Variants in PDK4 observed in about 807,000 individuals in gnomAD.
PDK4 encodes the protein pyruvate dehydrogenase kinase 4.
In PDK4, 43 loss-of-function variants were observed where a neutral mutation model predicts 51.7. The observed-to-expected ratio is 0.83, with a 90% CI of 0.65 to 1.07. PDK4 has a LOEUF of 1.07. Ranked by LOEUF, PDK4 falls within the 50% of genes least tolerant of loss-of-function variation. The pLI is 0.00. For missense variants in PDK4, 498 were observed against 503.5 expected, an observed-to-expected ratio of 0.99 and a Z score of 0.10; for synonymous variants, 170 against 176.6, an observed-to-expected ratio of 0.96 and a Z score of 0.30.
intron 7 of PDK4, among the ~76,000 whole-genome samples, chr7:95,588,411 C>A (rs760088936): frequency 6.6e-6 from 1 of 152,194 alleles, no homozygotes; most frequent in Non-Finnish European, 1.5e-5. Flanking sequence ...GAAAAAGTAT[C>A]CTTTGTCCTT....
intron 10 of PDK4, among the ~76,000 whole-genome samples, chr7:95,586,159 G>A (rs1361911387): frequency 1.3e-5 from 2 of 149,198 alleles, no homozygotes; most frequent in African/African-American, 2.5e-5. Context: ...CAAAGAAATT[G>A]AGGCTTTACC....
chr7:95,588,980 G>T (rs2116713608), intron 7 of PDK4, among the ~76,000 whole-genome samples: 1 of 152,318 alleles, frequency 6.6e-6, no homozygotes, highest in Non-Finnish European at 1.5e-5. Context: ...CGATTCTAAT[G>T]CATATTACAG....
At chr7:95,590,633 T>C (rs1791541467) in intron 6 of PDK4, among the ~76,000 whole-genome samples, 1 of 152,200 alleles carries the variant, frequency 6.6e-6, no homozygotes, top group Non-Finnish European at 1.5e-5. Context: ...CTTTATTTGC[T>C]CTTCTACTTT....
chr7:95,593,004 T>C, intron 3 of PDK4, 60 bp from the exon 4 acceptor site: 1 of 1,167,666 alleles, frequency 8.6e-7, no homozygotes, highest in Non-Finnish European at 1.2e-6. Flanking sequence ...CTTATACTCC[T>C]AAGGTTACTT....
intron 8 of PDK4, 80 bp from the exon 9 acceptor site, chr7:95,587,608 T>C: frequency 8.4e-7 from 1 of 1,194,476 alleles, no homozygotes; most frequent in Non-Finnish European, 1.2e-6. Context: ...CTTTCCTTCA[T>C]TTAAAAATCA....
Position 95,587,134 on chromosome 7 carries a change from G to C in PDK4, c.982-11C>G, listed in dbSNP as rs778695716. The C allele has an allele frequency of 2.7e-6, 4 of 1,504,148 alleles. No homozygotes were observed. Among genetic ancestry groups the C allele is most frequent in the Non-Finnish European group, 1.8e-6 (2 of 1,082,012 alleles). 93.2% of individuals were successfully genotyped at this position (1,504,148 alleles called of 1,614,324 possible). ...GTAACCAAAACCAGCCTAGAGAAGAGAGACGTTATCAGGTAAAGAAGTGTA... is the reference window on the plus strand; with the variant it reads ...GTAACCAAAACCAGCCTAGAGAAGACAGACGTTATCAGGTAAAGAAGTGTA... On this transcript the variant is annotated splice_polypyrimidine_tract_variant and intron_variant, in intron 9 of 10. Transcript: ENST00000005178.
At chr7:95,588,329 C>A (rs1371566854) in intron 7 of PDK4, among the ~76,000 whole-genome samples, 1 of 152,234 alleles carries the variant, frequency 6.6e-6, no homozygotes, top group Non-Finnish European at 1.5e-5. Flanking sequence ...TGATTATCAT[C>A]TAACTTTTAC....
Position 95,596,147 on chromosome 7 carries a change from C to G in PDK4, c.130+17G>C, listed in dbSNP as rs758185539. On this transcript the variant is annotated intron_variant, in intron 1 of 10. Coordinates refer to ENST00000005178, the MANE Select transcript of PDK4 (RefSeq NM_002612.4). Reference sequence around the variant, plus strand: ...CCCAACCCTAGGACCCAGCTTGGGCCCTGTGTCCCCTCTCACCAAAGTCCA... The same window carrying G: ...CCCAACCCTAGGACCCAGCTTGGGCGCTGTGTCCCCTCTCACCAAAGTCCA... 6.3e-7 allele frequency: 1 copy of G among 1,596,972 alleles called. No individual in the cohort carries two copies. The highest frequency in any genetic ancestry group is 1.1e-5 in the South Asian group (1 of 89,644).
chr7:95,587,619 C>G, intron 8 of PDK4, 91 bp from the exon 9 acceptor site: 1 of 1,147,138 alleles, frequency 8.7e-7, no homozygotes, highest in Non-Finnish European at 1.3e-6. Context: ...TTAAAAATCA[C>G]CTGGCATATA....
chr7:95,586,409 G>C (rs1021768722), intron 10 of PDK4, among the ~76,000 whole-genome samples: 1 of 152,044 alleles, frequency 6.6e-6, no homozygotes, highest in African/African-American at 2.4e-5. Context: ...TGGCCAGGCT[G>C]GTCTAGAACC....
At chr7:95,589,592 T>A in intron 7 of PDK4, 48 bp downstream of exon 7, 1 of 945,056 alleles carries the variant, frequency 1.1e-6, no homozygotes. Context: ...AATATAACTG[T>A]TAAACCTTTT....
In PDK4 at chr7:95,596,196, G is replaced by T; in HGVS notation, c.98C>A (p.Ser33Tyr). The change falls in exon 1 of 11, where the codon TCC becomes TAC. Residue 33 changes from serine (S) to tyrosine (Y), a missense_variant. By Grantham distance (144) the Ser-to-Tyr change is moderately radical. Transcript: ENST00000005178. ...EVEHFSRYSP[S>Y]PLSMKQLLDF... ...CAGTAGCTGCTTCATGGACAGCGGG[G>T]ACGGGCTGTAGCGCGAGAAATGCTC... is the stretch of plus-strand genomic sequence containing the variant. 6.2e-7 allele frequency: 1 copy of T among 1,604,722 alleles called. No individual in the cohort carries two copies. The highest frequency in any genetic ancestry group is 1.7e-5 in the Admixed American group (1 of 59,476).
rs569837685 is a variant in PDK4 at position 95,587,976 on chromosome 7, C to G, written c.772-151G>C. On this transcript the variant is annotated intron_variant, in intron 7 of 10. Transcript: ENST00000005178. ...GTAGTAAAACAGCTTTGTAAATAGC[C>G]ATTTATGAATGGGTCATGTAGGATG... 2.6e-5 allele frequency: 16 copies of G among 620,510 alleles called. No individual in the cohort carries two copies. The South Asian group carries it at 3.3e-4, about 13-fold the overall frequency. The allele number at this position is 620,510 out of a possible 1,614,324, so 38.4% of individuals were successfully genotyped here. A position where few individuals can be genotyped will look rare whatever the true frequency, so the allele number is the denominator to read the frequency against.
At position 95,595,123 on chromosome 7, in the gene PDK4, G is replaced by A. The variant is rs139435831; in HGVS notation, c.172C>T (p.Arg58Ter). The A allele has an allele frequency of 4.9e-5, 79 of 1,612,116 alleles. No homozygotes were observed. The Middle Eastern group carries it at 6.6e-4, about 13-fold the overall frequency. Reference sequence around the variant, plus strand: ...GCGAGTCTCACAGGCAATTCTTGTCGCAAAAATGCAAAAGAAGTTCTTTCA... The same window carrying A: ...GCGAGTCTCACAGGCAATTCTTGTCACAAAAATGCAAAAGAAGTTCTTTCA... ...ACERTSFAFL[R>*]QELPVRLANI... The change falls in exon 2 of 11, where the codon CGA becomes TGA. Residue 58 changes from arginine (R) to a stop codon, truncating the protein, a stop_gained. Transcript: ENST00000005178. LOFTEE classifies it high-confidence loss of function.
At position 95,590,448 on chromosome 7, in the gene PDK4, TAGAA is replaced by T. The variant is rs138034096; in HGVS notation, c.695-736_695-733del. ...AGAAAAATAAAAAGTAAAATAAAAT[TAGAA>T]AGAAAAGAAAAATAAAAGTATTATT... On this transcript the variant is annotated intron_variant, in intron 6 of 10. Coordinates refer to ENST00000005178, the MANE Select transcript of PDK4 (RefSeq NM_002612.4). Among the ~76,000 whole-genome samples, 1,188 of 152,144 alleles carry T rather than the reference TAGAA, an allele frequency of 7.8e-3. 16 individuals carry two copies. Among genetic ancestry groups the T allele is most frequent in the African/African-American group, 0.028 (1,154 of 41,500 alleles).
chr7:95,587,901 A>T (rs1584121255), intron 7 of PDK4, 76 bp from the exon 8 acceptor site: 1 of 926,622 alleles, frequency 1.1e-6, no homozygotes, highest in East Asian at 2.5e-5. Context: ...TTTATGTTTA[A>T]AATAAAAGTA....
chr7:95,585,947 T>C (rs1419340261), intron 10 of PDK4, among the ~76,000 whole-genome samples, 166 bp from the exon 11 acceptor site: 1 of 152,218 alleles, frequency 6.6e-6, no homozygotes, highest in Non-Finnish European at 1.5e-5. Flanking sequence ...GCACTCAGTC[T>C]ATGGCTCTTT....
intron 3 of PDK4, among the ~76,000 whole-genome samples, 163 bp from the exon 4 acceptor site, chr7:95,593,107 T>C (rs1489996002): frequency 6.6e-6 from 1 of 152,156 alleles, no homozygotes; most frequent in Admixed American, 6.5e-5. Context: ...TACAGATTCT[T>C]CCACTAGAGT....
chr7:95,588,857 CCA>C (rs1474643854), intron 7 of PDK4, among the ~76,000 whole-genome samples: 1 of 152,204 alleles, frequency 6.6e-6, no homozygotes, highest in Non-Finnish European at 1.5e-5. Flanking sequence ...CTGCCTCAGA[CCA>C]GTAACATCTG....
Sources: gnomAD v4.1 joint callset for allele counts (sites outside exome capture counted in the v4.1 genomes callset) on GRCh38, gnomAD v4.1.1 for gene constraint, MANE v1.5 for transcripts, NCBI Gene and HGNC (gene_info 2026-07-23, HGNC 2026-07-21) for gene names.